Variants in ABCA13 observed in about 807,000 individuals in gnomAD.
The protein encoded by ABCA13 is ATP binding cassette subfamily A member 13.
In ABCA13, 476 loss-of-function variants were observed where a neutral mutation model predicts 478.7. That is an observed-to-expected ratio of 0.99 (90% CI 0.92 to 1.07). The LOEUF is 1.07. ABCA13 is among the 50% of genes least tolerant of loss of function. The pLI, the probability that ABCA13 is intolerant of heterozygous loss-of-function variation, is 0.00. For missense variants in ABCA13, 6,060 were observed against 5,910.6 expected (o/e 1.03, Z -0.83); for synonymous variants, 2,252 against 2,158.9 (o/e 1.04, Z -1.20).
chr7:48,446,390 A>G (rs949422965), intron 42 of ABCA13, among the ~76,000 whole-genome samples: 5 of 149,890 alleles, frequency 3.3e-5, no homozygotes, highest in Non-Finnish European at 7.4e-5. Context: ...TGCCCTTTAA[A>G]AAAAAAAAAA....
intron 24 of ABCA13, among the ~76,000 whole-genome samples, chr7:48,312,247 A>G (rs930056133): frequency 2.6e-5 from 4 of 152,230 alleles, no homozygotes; most frequent in Non-Finnish European, 5.9e-5. Flanking sequence ...AGAAAATTCA[A>G]TATCCAAATG....
chr7:48,320,798 A>G (rs1261023462), intron 27 of ABCA13, among the ~76,000 whole-genome samples: 1 of 152,260 alleles, frequency 6.6e-6, no homozygotes, highest in African/African-American at 2.4e-5. Flanking sequence ...GTATAAGCCC[A>G]TGAAAACAGA....
chr7:48,281,253 T>C (rs570233773), intron 18 of ABCA13, 90 bp from the exon 19 acceptor site: 61 of 1,017,388 alleles, frequency 6.0e-5, no homozygotes, highest in Non-Finnish European at 4.2e-5. Context: ...GGTTCTTACA[T>C]GTGTGTTATA....
chr7:48,647,422 A>ATTTC lies in ABCA13; in HGVS notation c.*1910_*1911insTTTC, dbSNP rs1292929509. 1 of 152,240 alleles carries ATTTC rather than the reference A, an allele frequency of 6.6e-6. No individual in the cohort carries two copies. Among genetic ancestry groups the ATTTC allele is most frequent in the Non-Finnish European group, 1.5e-5 (1 of 68,032 alleles). 9.4% of individuals were successfully genotyped at this position (152,240 alleles called of 1,614,324 possible). ...GTAATCTTTTTATGATTGTTGAATC[A>ATTTC]ATAAATACCAATTTGTGAAACATGA... On this transcript the variant is annotated 3_prime_UTR_variant, in exon 62 of 62. Transcript: ENST00000435803.
chr7:48,450,792 G>A (rs768161047), intron 42 of ABCA13, among the ~76,000 whole-genome samples: 1 of 151,884 alleles, frequency 6.6e-6, no homozygotes, highest in Non-Finnish European at 1.5e-5. Context: ...TCAAAAGACT[G>A]TATAATTTCA....
At chr7:48,388,089 G>A in intron 36 of ABCA13, 130 bp downstream of exon 36, 1 of 974,662 alleles carries the variant, frequency 1.0e-6, no homozygotes, top group Non-Finnish European at 1.4e-6. Context: ...CATTTAGGCT[G>A]TCTTGGGCTG....
chr7:48,271,880 ATTT>A lies in ABCA13; in HGVS notation c.2218_2220del (p.Phe740del), dbSNP rs1562926252. On this transcript the variant is annotated inframe_deletion, in exon 17 of 62. Transcript: ENST00000435803. ...TGAACTTTCTTTTATCATTTGTGGA[ATTT>A]TTTGAGAAATTATTGTTGCCTAATC... The A allele has an allele frequency of 1.2e-6, 2 of 1,610,658 alleles. No homozygotes were observed. Among genetic ancestry groups the A allele is most frequent in the East Asian group, 4.5e-5 (2 of 44,796 alleles).
intron 27 of ABCA13, among the ~76,000 whole-genome samples, chr7:48,322,416 G>A (rs192739019): frequency 6.6e-6 from 1 of 152,320 alleles, no homozygotes; most frequent in Admixed American, 6.5e-5. Context: ...GTGTGCCAGA[G>A]ACGCATGTCC....
intron 29 of ABCA13, among the ~76,000 whole-genome samples, chr7:48,343,014 G>A (rs1182850665): frequency 6.6e-6 from 1 of 151,392 alleles, no homozygotes; most frequent in African/African-American, 2.4e-5. Context: ...TCTAATTTTG[G>A]ACACAATACT....
intron 59 of ABCA13, among the ~76,000 whole-genome samples, chr7:48,630,623 G>T (rs367635755): frequency 2.0e-5 from 3 of 152,126 alleles, no homozygotes; most frequent in Admixed American, 6.5e-5. Context: ...ACATATACAT[G>T]CATGTGTCTT....
At chr7:48,508,128 C>A in intron 50 of ABCA13, 79 bp downstream of exon 50, 1 of 1,579,324 alleles carries the variant, frequency 6.3e-7, no homozygotes, top group Non-Finnish European at 8.7e-7. Context: ...TGGAGGGGGG[C>A]ATTGGGGCCC....
intron 48 of ABCA13, among the ~76,000 whole-genome samples, chr7:48,498,860 G>A (rs1182571388): frequency 1.3e-5 from 2 of 152,168 alleles, no homozygotes; most frequent in Non-Finnish European, 2.9e-5. Context: ...GGTGAGCACC[G>A]GTTGTAGTGA....
chr7:48,619,512 G>A (rs551896325), intron 59 of ABCA13, among the ~76,000 whole-genome samples: 187 of 152,258 alleles, frequency 1.2e-3, no homozygotes, highest in African/African-American at 4.3e-3. Context: ...TTTAACAAAT[G>A]TTTATTGAAA....
chr7:48,471,696 G>A (rs1827518035), intron 45 of ABCA13, 97 bp downstream of exon 45: 1 of 1,196,792 alleles, frequency 8.4e-7, no homozygotes, highest in East Asian at 2.5e-5. Context: ...TTGTAACTGT[G>A]TCTTTATAAC....
chr7:48,556,700 T>C (rs1785866103), intron 55 of ABCA13, among the ~76,000 whole-genome samples: 1 of 151,992 alleles, frequency 6.6e-6, no homozygotes, highest in South Asian at 2.1e-4. Context: ...TGTATTTTTA[T>C]AGGAAAAATG....
chr7:48,358,211 A>AAGG, intron 31 of ABCA13, among the ~76,000 whole-genome samples: 1 of 109,836 alleles, frequency 9.1e-6, no homozygotes, highest in Non-Finnish European at 1.8e-5. Flanking sequence ...AAGGAAAGGA[A>AAGG]AAAGGAAAGG....
intron 57 of ABCA13, among the ~76,000 whole-genome samples, chr7:48,587,654 G>A (rs973372111): frequency 1.3e-5 from 2 of 151,966 alleles, no homozygotes; most frequent in Admixed American, 6.6e-5. Flanking sequence ...TATCACAGCA[G>A]TAGTGACACC....
At chr7:48,270,476 A>G (rs914658120) in intron 16 of ABCA13, among the ~76,000 whole-genome samples, 1 of 152,156 alleles carries the variant, frequency 6.6e-6, no homozygotes, top group Non-Finnish European at 1.5e-5. Flanking sequence ...AATAAGTTTT[A>G]TATTCTCCTC....
Position 48,273,215 on chromosome 7 carries a change from G to T in ABCA13, c.3549G>T (p.Leu1183Phe). 1.2e-6 allele frequency: 2 copies of T among 1,613,578 alleles called. No homozygotes were observed. Among genetic ancestry groups the T allele is most frequent in the Non-Finnish European group, 8.5e-7 (1 of 1,179,702 alleles). ...TSLHHGFTQL[L>F]DELEDDVKVS... ...TTCATCATGGTTTCACTCAGCTTTT[G>T]GATGAATTGGAAGATGATGTGAAAG... Residue 1183 changes from leucine to phenylalanine, a missense_variant, in exon 17 of 62, where the codon TTG becomes TTT. By Grantham distance (22) the Leu-to-Phe change is conservative. Transcript: ENST00000435803.
Sources: gnomAD v4.1 joint callset for allele counts (sites outside exome capture counted in the v4.1 genomes callset) on GRCh38, gnomAD v4.1.1 for gene constraint, MANE v1.5 for transcripts, NCBI Gene and HGNC (gene_info 2026-07-23, HGNC 2026-07-21) for gene names.